Variants in CLIP3 observed in about 807,000 individuals in gnomAD.
CLIP3 encodes CAP-Gly domain-containing linker protein 3.
In CLIP3, 15 loss-of-function variants were observed where a neutral mutation model predicts 59.4. The observed-to-expected ratio is 0.25, with a 90% CI of 0.17 to 0.39. The LOEUF (loss-of-function observed/expected upper bound fraction) is 0.39. Ranked by LOEUF, CLIP3 falls within the 10% of genes least tolerant of loss-of-function variation. The pLI is 1.00. For missense variants in CLIP3, 495 were observed against 765.7 expected (o/e 0.65, Z 4.17); for synonymous variants, 300 against 321.6 (o/e 0.93, Z 0.72).
At position 36,026,696 on chromosome 19, in the gene CLIP3, G is replaced by A. The variant is rs1285322057; in HGVS notation, c.452C>T (p.Ala151Val). The A allele has an allele frequency of 6.2e-7, 1 of 1,607,318 alleles. No homozygotes were observed. ...RLSQQLLALG[A>V]DVTLRSRWTN... is the part of the protein sequence containing the mutation. ...CCAGCGGCTGCGCAGCGTCACATCT[G>A]CGCCCAGCGCCAGCAGCTGCTGCGA... Residue 151 changes from alanine (A) to valine (V), a missense_variant, in exon 5 of 14, where the codon GCA becomes GTA. Around this residue, in one of 5 missense-constraint regions of CLIP3, gnomAD observed 194 missense variants for 327.8 expected, o/e 0.59. Coordinates refer to ENST00000360535, the MANE Select transcript of CLIP3 (RefSeq NM_015526.3). The surrounding 1 kb of genome is among the most constrained non-coding windows in gnomAD (Gnocchi z 6.3).
rs569465602 is a variant in CLIP3 at position 36,026,252 on chromosome 19, C to T, written c.576G>A (p.Thr192=). The T allele has an allele frequency of 1.4e-5, 22 of 1,612,976 alleles. No homozygotes were observed. In the Admixed American group the frequency reaches 2.3e-4, roughly 17 times the overall value. ...KGARPRVVNS[T]CSDFNHGSAL... ...CTGAGCCGTGGTTGAAGTCACTGCA[C>T]GTGGAGTTCACCACTGGAAGTGGGC... Residue 192 remains threonine (T), a synonymous_variant, in exon 6 of 14, where the codon ACG becomes ACA. Coordinates refer to ENST00000360535, the MANE Select transcript of CLIP3 (RefSeq NM_015526.3). This position sits in a 1 kb window ranked among gnomAD's most constrained non-coding sequence, Gnocchi z 6.3.
chr19:36,026,945 C>G lies in CLIP3; in HGVS notation c.400+7G>C, dbSNP rs761779973. On this transcript the variant is annotated splice_region_variant and intron_variant, in intron 4 of 13. Coordinates refer to ENST00000360535, the MANE Select transcript of CLIP3 (RefSeq NM_015526.3). The surrounding 1 kb of genome is among the most constrained non-coding windows in gnomAD (Gnocchi z 6.3). ...GGGCTTATGACTTGGGGGTAGGGGG[C>G]CCTCACCGACTCCGTGGGCCCCAGC... is the stretch of plus-strand genomic sequence containing the variant. 1 of 1,533,096 alleles carries G rather than the reference C, an allele frequency of 6.5e-7. No individual in the cohort carries two copies. Among genetic ancestry groups the G allele is most frequent in the African/African-American group, 1.4e-5 (1 of 72,032 alleles). 95.0% of individuals were successfully genotyped at this position (1,533,096 alleles called of 1,614,324 possible).
Position 36,018,911 on chromosome 19 carries a change from G to A in CLIP3, c.1170C>T (p.Arg390=), listed in dbSNP as rs1319879336. 3.7e-6 allele frequency: 6 copies of A among 1,613,542 alleles called. No individual in the cohort carries two copies. Among genetic ancestry groups the A allele is most frequent in the Non-Finnish European group, 4.2e-6 (5 of 1,179,748 alleles). ...CCCCTCTCTGACCTTTGTGTTCCCT[G>A]CGGCCTTTGCCGGTGACACGGGAGA... ...MDFSRVTGKG[R]REHKGKKKTP... The change falls in exon 9 of 14, where the codon CGC becomes CGT. Residue 390 remains arginine, a synonymous_variant. Transcript: ENST00000360535.
At position 36,032,365 on chromosome 19, in the gene CLIP3, G is replaced by A. The variant is rs1055207078; in HGVS notation, c.-8C>T. Reference sequence around the variant, plus strand: ...AGGATCTGTCTTAGTCATGGTCCTCGGTGGCCCTCGGGGGGCGGGTGCAGA... The same window carrying A: ...AGGATCTGTCTTAGTCATGGTCCTCAGTGGCCCTCGGGGGGCGGGTGCAGA... On this transcript the variant is annotated 5_prime_UTR_variant, in exon 2 of 14. Coordinates refer to ENST00000360535, the MANE Select transcript of CLIP3 (RefSeq NM_015526.3). This position sits in a 1 kb window ranked among gnomAD's most constrained non-coding sequence, Gnocchi z 4.3. The A allele has an allele frequency of 1.5e-5, 19 of 1,244,692 alleles. No homozygotes were observed. The highest frequency in any genetic ancestry group is 1.7e-5 in the Non-Finnish European group (17 of 983,824). 77.1% of individuals were successfully genotyped at this position (1,244,692 alleles called of 1,614,324 possible).
In CLIP3 at chr19:36,018,005, G is replaced by A. The variant is rs373901833; in HGVS notation, c.1184-14C>T. 3 of 1,613,334 alleles carry A rather than the reference G, an allele frequency of 1.9e-6. No homozygotes were observed. The highest frequency in any genetic ancestry group is 1.8e-4 in the Middle Eastern group (1 of 5,676). On this transcript the variant is annotated splice_polypyrimidine_tract_variant and intron_variant, in intron 9 of 13. Coordinates refer to ENST00000360535, the MANE Select transcript of CLIP3 (RefSeq NM_015526.3). ...TCTTCTTCTTGCCTAAGGGTAGAAGGTGTAGGAGGTGGGTAGTGGGGCTGA... is the reference window on the plus strand; with the variant it reads ...TCTTCTTCTTGCCTAAGGGTAGAAGATGTAGGAGGTGGGTAGTGGGGCTGA...
chr19:36,026,064 C>T lies in CLIP3; in HGVS notation c.681+83G>A. On this transcript the variant is annotated intron_variant, in intron 6 of 13. Transcript: ENST00000360535. The surrounding 1 kb of genome is among the most constrained non-coding windows in gnomAD (Gnocchi z 6.3). ...GGCATTTGTAGTATTTGGGGAGTCA[C>T]GGGAAACGCAGAGACCTGCTGGAGG... 6.8e-6 allele frequency: 7 copies of T among 1,026,504 alleles called. No individual in the cohort carries two copies. The highest frequency in any genetic ancestry group is 9.0e-6 in the Non-Finnish European group (6 of 663,448). The allele number at this position is 1,026,504 out of a possible 1,614,324, so 63.6% of individuals were successfully genotyped here. A position where few individuals can be genotyped will look rare whatever the true frequency, so the allele number is the denominator to read the frequency against.
chr19:36,026,555 G>T lies in CLIP3; in HGVS notation c.562+31C>A, dbSNP rs1192757234. The T allele has an allele frequency of 1.1e-5, 18 of 1,610,744 alleles. No homozygotes were observed. The highest frequency in any genetic ancestry group is 1.2e-5 in the Non-Finnish European group (14 of 1,178,480). On this transcript the variant is annotated intron_variant, in intron 5 of 13. Transcript: ENST00000360535. The surrounding 1 kb of genome is among the most constrained non-coding windows in gnomAD (Gnocchi z 6.3). ...CTCCGCGTCCCTCACCCAGGTCCTT[G>T]CCCCCTCCCAGCCAGGGCTCTCCTC...
chr19:36,017,243 G>T, intron 12 of CLIP3, 143 bp downstream of exon 12: 2 of 877,922 alleles, frequency 2.3e-6, no homozygotes, highest in Non-Finnish European at 3.7e-6. Flanking sequence ...CTATCTTTTT[G>T]TGGACCTTGT....
At position 36,016,692 on chromosome 19, in the gene CLIP3, C is replaced by T; in HGVS notation, c.1589+215G>A. 1 of 584,096 alleles carries T rather than the reference C, an allele frequency of 1.7e-6. No homozygotes were observed. The allele number at this position is 584,096 out of a possible 1,614,324, so 36.2% of individuals were successfully genotyped here. ...CTCGTATGGAGTGAAGGGTGTTCTG[C>T]TTCCTTTACCGGCCCACCCGAAAGT... On this transcript the variant is annotated intron_variant, in intron 13 of 13. Coordinates refer to ENST00000360535, the MANE Select transcript of CLIP3 (RefSeq NM_015526.3). The surrounding 1 kb of genome is among the most constrained non-coding windows in gnomAD (Gnocchi z 4.1).
In CLIP3 at chr19:36,018,010, G is replaced by C. The variant is rs1968848684; in HGVS notation, c.1184-19C>G. On this transcript the variant is annotated intron_variant, in intron 9 of 13. Transcript: ENST00000360535. Reference sequence around the variant, plus strand: ...TTCTTGCCTAAGGGTAGAAGGTGTAGGAGGTGGGTAGTGGGGCTGAGGCCA... The same window carrying C: ...TTCTTGCCTAAGGGTAGAAGGTGTACGAGGTGGGTAGTGGGGCTGAGGCCA... The C allele has an allele frequency of 6.2e-7, 1 of 1,613,168 alleles. No individual in the cohort carries two copies. The highest frequency in any genetic ancestry group is 8.5e-7 in the Non-Finnish European group (1 of 1,179,958).
chr19:36,032,507 A>C lies in CLIP3; in HGVS notation c.-58-92T>G. On this transcript the variant is annotated intron_variant, in intron 1 of 13. Transcript: ENST00000360535. The surrounding 1 kb of genome is among the most constrained non-coding windows in gnomAD (Gnocchi z 4.3). The stretch of plus-strand genomic sequence containing the variant: ...CAGGGCCCCGGGTGGCCTCCGCGCA[A>C]CTGGATCTTGGGCAACCATAGGGAC... The C allele has an allele frequency of 2.5e-6, 1 of 403,590 alleles. No individual in the cohort carries two copies. Among genetic ancestry groups the C allele is most frequent in the Middle Eastern group, 6.3e-4 (1 of 1,592 alleles). The allele number at this position is 403,590 out of a possible 1,614,324, so 25.0% of individuals were successfully genotyped here.
chr19:36,025,351 G>A (rs1568542886), intron 6 of CLIP3, among the ~76,000 whole-genome samples: 1 of 151,912 alleles, frequency 6.6e-6, no homozygotes, highest in African/African-American at 2.4e-5. Flanking sequence ...AGCAATTTGT[G>A]AGGCCGAGGT....
At chr19:36,024,304 G>A in intron 7 of CLIP3, 92 bp downstream of exon 7, 1 of 1,063,088 alleles carries the variant, frequency 9.4e-7, no homozygotes, top group South Asian at 1.5e-5. Context: ...AAAGGGCAGG[G>A]ACTGCACTCT....
intron 6 of CLIP3, among the ~76,000 whole-genome samples, chr19:36,025,541 A>G (rs1314134794): frequency 1.3e-5 from 2 of 149,726 alleles, no homozygotes; most frequent in East Asian, 4.0e-4. Context: ...CAGTGAGCCG[A>G]GATTGCACCA....
chr19:36,023,155 C>T (rs1014438046), intron 7 of CLIP3, among the ~76,000 whole-genome samples: 1 of 152,216 alleles, frequency 6.6e-6, no homozygotes, highest in Non-Finnish European at 1.5e-5. Flanking sequence ...ATGAGAATAG[C>T]TTGAATCTGG....
chr19:36,026,301 G>A lies in CLIP3; in HGVS notation c.563-36C>T. On this transcript the variant is annotated intron_variant, in intron 5 of 13. Transcript: ENST00000360535. This position sits in a 1 kb window ranked among gnomAD's most constrained non-coding sequence, Gnocchi z 6.3. Reference sequence around the variant, plus strand: ...GCAAGAGGAGGGGTTCCGGGTGAGCGCCTGTGGGACCCCAGCCCTCCTCCC... The same window carrying A: ...GCAAGAGGAGGGGTTCCGGGTGAGCACCTGTGGGACCCCAGCCCTCCTCCC... 15 of 1,543,124 alleles carry A rather than the reference G, an allele frequency of 9.7e-6. No homozygotes were observed. The highest frequency in any genetic ancestry group is 1.3e-5 in the Non-Finnish European group (14 of 1,118,010).
In CLIP3 at chr19:36,026,893, G is replaced by A; in HGVS notation, c.400+59C>T. The A allele has an allele frequency of 1.3e-6, 2 of 1,522,980 alleles. No individual in the cohort carries two copies. The highest frequency in any genetic ancestry group is 8.8e-7 in the Non-Finnish European group (1 of 1,138,156). The allele number at this position is 1,522,980 out of a possible 1,614,324, so 94.3% of individuals were successfully genotyped here. ...GCCTGAGTTCTGGGTGGTTTTCAGC[G>A]TGTTGGGTCTGGGGGCCTAGGCTTT... On this transcript the variant is annotated intron_variant, in intron 4 of 13. Coordinates refer to ENST00000360535, the MANE Select transcript of CLIP3 (RefSeq NM_015526.3). The surrounding 1 kb of genome is among the most constrained non-coding windows in gnomAD (Gnocchi z 6.3).
At chr19:36,030,851 A>G (rs995984893) in intron 2 of CLIP3, among the ~76,000 whole-genome samples, 7 of 152,074 alleles carry the variant, frequency 4.6e-5, no homozygotes, top group African/African-American at 1.4e-4. Flanking sequence ...CTCTTTTTCC[A>G]GCTCTCTTAT....
chr19:36,027,235 T>C lies in CLIP3; in HGVS notation c.203A>G (p.Gln68Arg). 6.2e-7 allele frequency: 1 copy of C among 1,612,610 alleles called. No individual in the cohort carries two copies. The highest frequency in any genetic ancestry group is 1.1e-5 in the South Asian group (1 of 90,860). ...TFFDPNDPAC[Q>R]EILFDPQTTI... Reference sequence around the variant, plus strand: ...GGTCTGAGGGTCAAACAGGATCTCCTGGCACGCCGGGTCATTGGGATCGAA... The same window carrying C: ...GGTCTGAGGGTCAAACAGGATCTCCCGGCACGCCGGGTCATTGGGATCGAA... The change falls in exon 3 of 14, where the codon CAG (glutamine) becomes CGG (arginine). Residue 68 changes from glutamine to arginine, a missense_variant. Transcript: ENST00000360535.
Sources: gnomAD v4.1 joint callset for allele counts (sites outside exome capture counted in the v4.1 genomes callset) on GRCh38, gnomAD v4.1.1 for gene constraint, gnomAD v4.1.1 regional missense constraint, Gnocchi (gnomAD v3.1) non-coding constraint, MANE v1.5 for transcripts, NCBI Gene and HGNC (gene_info 2026-07-23, HGNC 2026-07-21) for gene names.